The following CRYL1 variants were observed in gnomAD, a reference collection of about 807,000 sequenced individuals.
The protein encoded by CRYL1 is crystallin lambda 1, also known as lambda-crystallin homolog.
In CRYL1, 29 loss-of-function variants were observed where a neutral mutation model predicts 36.6. The observed-to-expected ratio is 0.79, with a 90% CI of 0.59 to 1.08. The LOEUF (loss-of-function observed/expected upper bound fraction) is 1.08. Ranked by LOEUF, CRYL1 falls within the 50% of genes least tolerant of loss-of-function variation. CRYL1 has a pLI of 0.00. For missense variants in CRYL1, 411 were observed against 407.9 expected (o/e 1.01, Z -0.06); for synonymous variants, 152 against 151.5 (o/e 1.00, Z -0.02).
intron 1 of CRYL1, among the ~76,000 whole-genome samples, chr13:20,519,605 A>AAGGGGAGGGGAGGGG (rs71077711): frequency 1.4e-5 from 2 of 141,608 alleles, no homozygotes; most frequent in East Asian, 4.4e-4. Context: ...TTGGGAAGGG[A>AAGGGGAGGGGAGGGG]AGGGGAGGGG....
intron 3 of CRYL1, among the ~76,000 whole-genome samples, chr13:20,459,453 C>T (rs528282966): frequency 3.9e-5 from 6 of 152,134 alleles, no homozygotes; most frequent in East Asian, 1.9e-4. Context: ...CCAACCTAGA[C>T]GCCCATCCAT....
intron 3 of CRYL1, among the ~76,000 whole-genome samples, chr13:20,482,750 TGTGTGTGCGCGC>T (rs2033303719): frequency 6.6e-6 from 1 of 152,158 alleles, no homozygotes; most frequent in Admixed American, 6.5e-5. Flanking sequence ...TGTGTGTGTG[TGTGTGTGCGCGC>T]GTGTGTGTGC....
intron 3 of CRYL1, among the ~76,000 whole-genome samples, chr13:20,484,325 C>T (rs2033351334): frequency 6.6e-6 from 1 of 152,166 alleles, no homozygotes; most frequent in Admixed American, 6.5e-5. Context: ...TGAGTGGTTG[C>T]AGCCCGGCAG....
intron 5 of CRYL1, chr13:20,418,853 T>C (rs190351292): frequency 6.6e-6 from 1 of 152,326 alleles, no homozygotes; most frequent in East Asian, 1.9e-4. Context: ...CAGCTAGAGT[T>C]TGGGCATAAG....
In CRYL1 at chr13:20,457,944, C is replaced by T. The variant is rs571047554; in HGVS notation, c.277-18190G>A. Reference sequence around the variant, plus strand: ...CAGTGGGGGAAGGAAAAGGTGACCCCGGCAGAGCCTCGAAAGCCAGGTTTT... The same window carrying T: ...CAGTGGGGGAAGGAAAAGGTGACCCTGGCAGAGCCTCGAAAGCCAGGTTTT... On this transcript the variant is annotated intron_variant, in intron 3 of 7. Transcript: ENST00000298248. Among the ~76,000 whole-genome samples the T allele has an allele frequency of 4.6e-5, 7 of 152,232 alleles. 1 individual carries two copies. The highest frequency in any genetic ancestry group is 1.4e-4 in the African/African-American group (6 of 41,534).
intron 3 of CRYL1, among the ~76,000 whole-genome samples, chr13:20,441,350 T>C (rs972258974): frequency 3.9e-5 from 6 of 152,178 alleles, no homozygotes; most frequent in African/African-American, 1.4e-4. Flanking sequence ...ATGATTCCTG[T>C]TCCCACTAAA....
intron 3 of CRYL1, among the ~76,000 whole-genome samples, chr13:20,480,610 C>G (rs2033256303): frequency 1.3e-5 from 2 of 152,216 alleles, no homozygotes; most frequent in South Asian, 4.1e-4. Flanking sequence ...TGGTGGAGTA[C>G]TTTCCTAATG....
chr13:20,421,003 G>C (rs1213621611), intron 5 of CRYL1, among the ~76,000 whole-genome samples: 2 of 151,888 alleles, frequency 1.3e-5, no homozygotes, highest in African/African-American at 4.8e-5. Context: ...AAAATCCTGG[G>C]ATTACAGGCG....
At chr13:20,509,653 C>T (rs887475660) in intron 2 of CRYL1, among the ~76,000 whole-genome samples, 11 of 152,132 alleles carry the variant, frequency 7.2e-5, no homozygotes, top group Non-Finnish European at 1.0e-4. Flanking sequence ...TTAGGCCAGG[C>T]TTGGTGGCTC....
chr13:20,502,974 A>C (rs145584237), intron 2 of CRYL1, among the ~76,000 whole-genome samples: 195 of 152,182 alleles, frequency 1.3e-3, no homozygotes, highest in African/African-American at 4.0e-3. Context: ...GATGCACAGC[A>C]CACAGGATCA....
At chr13:20,409,110 C>G (rs2031454116) in intron 6 of CRYL1, among the ~76,000 whole-genome samples, 2 of 152,048 alleles carry the variant, frequency 1.3e-5, no homozygotes, top group Admixed American at 6.5e-5. Context: ...TACTACAAGG[C>G]TACAGTAACC....
intron 6 of CRYL1, among the ~76,000 whole-genome samples, chr13:20,408,694 A>T (rs2031444013): frequency 6.6e-6 from 1 of 152,172 alleles, no homozygotes. Context: ...CTGCATTCTT[A>T]TACACCAACA....
chr13:20,517,782 A>C (rs1203743610), intron 1 of CRYL1, among the ~76,000 whole-genome samples: 2 of 150,506 alleles, frequency 1.3e-5, no homozygotes, highest in Non-Finnish European at 3.0e-5. Flanking sequence ...TAAAAACACA[A>C]AAAATTAGCC....
intron 3 of CRYL1, among the ~76,000 whole-genome samples, chr13:20,463,305 T>A (rs6490580): frequency 0.023 from 3,528 of 151,432 alleles, 139 homozygotes; most frequent in African/African-American, 0.081. Flanking sequence ...ATGCTTGAGT[T>A]TTTTCCCAGT....
chr13:20,502,789 G>C (rs2033725657), intron 2 of CRYL1, among the ~76,000 whole-genome samples: 1 of 152,216 alleles, frequency 6.6e-6, no homozygotes, highest in South Asian at 2.1e-4. Flanking sequence ...GTTTACACTG[G>C]AGTATCAAGG....
In CRYL1 at chr13:20,481,205, G is replaced by A. The variant is rs1390381995; in HGVS notation, c.276+8165C>T. Reference sequence around the variant, plus strand: ...GATGATCTCGTGAGTGTGTGAGGTGGGCTTGCCCCAGTCCATCCAGAGTCC... The same window carrying A: ...GATGATCTCGTGAGTGTGTGAGGTGAGCTTGCCCCAGTCCATCCAGAGTCC... On this transcript the variant is annotated intron_variant, in intron 3 of 7. Transcript: ENST00000298248. This position sits in a 1 kb window ranked among gnomAD's most constrained non-coding sequence, Gnocchi z 4.1. Among the ~76,000 whole-genome samples, 2 of 152,140 alleles carry A rather than the reference G, an allele frequency of 1.3e-5. No individual in the cohort carries two copies. Among genetic ancestry groups the A allele is most frequent in the Admixed American group, 1.3e-4 (2 of 15,270 alleles).
At chr13:20,498,431 C>G (rs1057326076) in intron 2 of CRYL1, among the ~76,000 whole-genome samples, 1 of 152,146 alleles carries the variant, frequency 6.6e-6, no homozygotes, top group Non-Finnish European at 1.5e-5. Context: ...ACCATATACA[C>G]ACTACACACA....
In CRYL1 at chr13:20,415,798, C is replaced by T. The variant is rs2031648314; in HGVS notation, c.634-2411G>A. 6.6e-6 allele frequency among the ~76,000 whole-genome samples: 1 copy of T among 152,234 alleles called. No individual in the cohort carries two copies. The highest frequency in any genetic ancestry group is 1.5e-5 in the Non-Finnish European group (1 of 68,032). ...CCGTGTTCACATTCCTCAGCTGCAG[C>T]GTTTGCTGCTGGCCCATTTCTAATC... On this transcript the variant is annotated intron_variant, in intron 5 of 7. Transcript: ENST00000298248. The surrounding 1 kb of genome is among the most constrained non-coding windows in gnomAD (Gnocchi z 4.1).
intron 2 of CRYL1, among the ~76,000 whole-genome samples, chr13:20,497,643 C>G (rs1474215297): frequency 6.6e-6 from 1 of 150,658 alleles, no homozygotes; most frequent in East Asian, 2.0e-4. Context: ...AACTACACCA[C>G]CACATACACA....
Sources: allele counts gnomAD v4.1 joint callset (sites outside exome capture counted in the v4.1 genomes callset), GRCh38; gene constraint gnomAD v4.1.1; non-coding constraint Gnocchi (gnomAD v3.1); transcripts MANE v1.5; gene names NCBI Gene and HGNC (gene_info 2026-07-23, HGNC 2026-07-21).